The following LURAP1L variants were observed in gnomAD, a reference collection of about 807,000 sequenced individuals.
LURAP1L encodes the protein leucine rich adaptor protein 1-like.
A neutral mutation model predicts 13.8 loss-of-function variants in LURAP1L; 12 were observed. That is an observed-to-expected ratio of 0.87 (90% CI 0.56 to 1.41). The LOEUF is 1.41. Ranked by LOEUF, LURAP1L falls within the 40% of genes most tolerant of loss-of-function variation. The pLI, the probability that LURAP1L is intolerant of heterozygous loss-of-function variation, is 0.00. For missense variants in LURAP1L, 375 were observed against 292.9 expected (o/e 1.28, Z -2.04); for synonymous variants, 139 against 119.2 (o/e 1.17, Z -1.08).
chr9:12,804,210 G>A (rs943435536), intron 1 of LURAP1L, among the ~76,000 whole-genome samples: 11 of 152,090 alleles, frequency 7.2e-5, no homozygotes, highest in African/African-American at 2.7e-4. Flanking sequence ...ATATTTGATG[G>A]AAACTTTTGT....
At chr9:12,796,931 G>A (rs1819518724) in intron 1 of LURAP1L, among the ~76,000 whole-genome samples, 1 of 151,680 alleles carries the variant, frequency 6.6e-6, no homozygotes. Flanking sequence ...AAGATTAGGT[G>A]GGGGTGGGGG....
At chr9:12,796,503 A>G (rs10122949) in intron 1 of LURAP1L, among the ~76,000 whole-genome samples, 20,682 of 151,728 alleles carry the variant, frequency 0.14, 1,761 homozygotes, top group East Asian at 0.32. Context: ...AAAATATTCT[A>G]TTTTATGTGC....
At chr9:12,801,708 T>C (rs1819588078) in intron 1 of LURAP1L, among the ~76,000 whole-genome samples, 1 of 152,204 alleles carries the variant, frequency 6.6e-6, no homozygotes, top group South Asian at 2.1e-4. Flanking sequence ...TCATTCTTTT[T>C]AAAGGGCATA....
At chr9:12,800,683 G>A (rs1045360227) in intron 1 of LURAP1L, among the ~76,000 whole-genome samples, 1 of 152,162 alleles carries the variant, frequency 6.6e-6, no homozygotes, top group African/African-American at 2.4e-5. Context: ...ATGTCTGTAT[G>A]ATAGTATCTC....
chr9:12,815,816 C>T (rs1196788839), intron 1 of LURAP1L, among the ~76,000 whole-genome samples: 1 of 152,048 alleles, frequency 6.6e-6, no homozygotes, highest in Non-Finnish European at 1.5e-5. Flanking sequence ...AATATATAGA[C>T]ATATTAAAGA....
intron 1 of LURAP1L, among the ~76,000 whole-genome samples, chr9:12,786,053 AT>A (rs903645226): frequency 3.3e-5 from 5 of 152,120 alleles, no homozygotes; most frequent in African/African-American, 9.7e-5. Context: ...TTTACATAAT[AT>A]TTTTTATATT....
chr9:12,814,997 T>C (rs1490190333), intron 1 of LURAP1L, among the ~76,000 whole-genome samples: 2 of 152,186 alleles, frequency 1.3e-5, no homozygotes, highest in Admixed American at 6.5e-5. Flanking sequence ...CACTGACTTT[T>C]GCATAATTGT....
intron 1 of LURAP1L, among the ~76,000 whole-genome samples, chr9:12,809,783 T>C (rs1586885684): frequency 6.6e-6 from 1 of 152,244 alleles, no homozygotes; most frequent in South Asian, 2.1e-4. Context: ...TTCTGCTTAC[T>C]ATTTGCTGTA....
At chr9:12,777,408 T>C in intron 1 of LURAP1L, 3 of 985,348 alleles carry the variant, frequency 3.0e-6, no homozygotes, top group South Asian at 9.4e-5. Context: ...AGAAAATTTC[T>C]TGTACAAGGA....
chr9:12,785,701 A>G (rs975346807), intron 1 of LURAP1L, among the ~76,000 whole-genome samples: 3 of 152,150 alleles, frequency 2.0e-5, no homozygotes, highest in Admixed American at 2.0e-4. Flanking sequence ...TCAAGCACAC[A>G]GATATTCTTC....
intron 1 of LURAP1L, among the ~76,000 whole-genome samples, chr9:12,781,017 G>T (rs2118461140): frequency 1.3e-5 from 2 of 152,124 alleles, no homozygotes; most frequent in African/African-American, 4.8e-5. Flanking sequence ...TGTTGCCCAG[G>T]CTGGAGTGCA....
intron 1 of LURAP1L, among the ~76,000 whole-genome samples, chr9:12,800,198 G>T (rs547743444): frequency 4.9e-4 from 75 of 152,276 alleles, no homozygotes; most frequent in African/African-American, 1.7e-3. Context: ...AAGTAGAGGA[G>T]ATAACTAAAT....
chr9:12,793,150 C>G (rs1403986837), intron 1 of LURAP1L, among the ~76,000 whole-genome samples: 2 of 151,912 alleles, frequency 1.3e-5, no homozygotes, highest in African/African-American at 4.8e-5. Context: ...GAAATTTCCC[C>G]TACTCTGTCT....
Position 12,821,822 on chromosome 9 carries a change from C to T in LURAP1L, c.*62C>T. ...TTGTATTTATCCTTCTTCTCCGCTG[C>T]TATATTTTTGGTGTGATTTTTATTT... On this transcript the variant is annotated 3_prime_UTR_variant, in exon 2 of 2. Transcript: ENST00000319264. The T allele has an allele frequency of 1.3e-6, 2 of 1,520,736 alleles. No homozygotes were observed. The highest frequency in any genetic ancestry group is 2.3e-5 in the East Asian group (1 of 43,904). 94.2% of individuals were successfully genotyped at this position (1,520,736 alleles called of 1,614,324 possible).
At chr9:12,806,784 T>C (rs1479669697) in intron 1 of LURAP1L, among the ~76,000 whole-genome samples, 6 of 151,828 alleles carry the variant, frequency 4.0e-5, no homozygotes, top group African/African-American at 1.5e-4. Context: ...TAGATTGTAA[T>C]GTTCTTCATT....
intron 1 of LURAP1L, among the ~76,000 whole-genome samples, chr9:12,802,875 C>T (rs981146168): frequency 2.6e-5 from 4 of 152,146 alleles, no homozygotes; most frequent in Admixed American, 6.5e-5. Context: ...TTTATTAGCA[C>T]AAAATGAACA....
chr9:12,802,167 T>G (rs1038151328), intron 1 of LURAP1L, among the ~76,000 whole-genome samples: 1 of 152,302 alleles, frequency 6.6e-6, no homozygotes, highest in East Asian at 1.9e-4. Flanking sequence ...TTGTTATTAG[T>G]ACATTTTACC....
chr9:12,807,192 G>A (rs71474394), intron 1 of LURAP1L, among the ~76,000 whole-genome samples: 17,124 of 137,254 alleles, frequency 0.12, 1,109 homozygotes, highest in East Asian at 0.28. Flanking sequence ...CATGAACCCG[G>A]GAGGCGCAGC....
At chr9:12,799,291 G>A (rs1326083826) in intron 1 of LURAP1L, among the ~76,000 whole-genome samples, 1 of 151,520 alleles carries the variant, frequency 6.6e-6, no homozygotes, top group Non-Finnish European at 1.5e-5. Flanking sequence ...CTGTCTTTAG[G>A]GTATATTTTC....
Sources: gnomAD v4.1 joint callset for allele counts (sites outside exome capture counted in the v4.1 genomes callset) on GRCh38, gnomAD v4.1.1 for gene constraint, MANE v1.5 for transcripts, NCBI Gene and HGNC (gene_info 2026-07-23, HGNC 2026-07-21) for gene names.